The following CDC123 variants were observed in gnomAD, a reference collection of about 807,000 sequenced individuals.
The protein encoded by CDC123 is cell division cycle 123, also known as translation initiation factor eIF2 assembly protein.
Under a neutral mutation model 54.4 loss-of-function variants are expected in CDC123, and 37 were observed. The observed-to-expected ratio is 0.68, with a 90% CI of 0.52 to 0.89. The LOEUF (loss-of-function observed/expected upper bound fraction) is 0.89. Among genes scored for constraint, CDC123 ranks in the 40% least tolerant of loss-of-function variants. The pLI is 0.00. For missense variants in CDC123, 361 were observed against 412.1 expected, an observed-to-expected ratio of 0.88 and a Z score of 1.07; for synonymous variants, 144 against 136.8, an observed-to-expected ratio of 1.05 and a Z score of -0.37.
At chr10:12,208,363 G>C (rs1835548919) in intron 2 of CDC123, among the ~76,000 whole-genome samples, 1 of 152,164 alleles carries the variant, frequency 6.6e-6, no homozygotes. Context: ...GCTGCTGGGT[G>C]GCCCTTTTCA....
chr10:12,238,072 T>C (rs1206564890), intron 9 of CDC123, among the ~76,000 whole-genome samples: 1 of 152,266 alleles, frequency 6.6e-6, no homozygotes, highest in Non-Finnish European at 1.5e-5. Flanking sequence ...TTAGATTTTA[T>C]GCTTTCTATT....
At chr10:12,238,557 T>C in intron 10 of CDC123, 72 bp downstream of exon 10, 1 of 1,556,758 alleles carries the variant, frequency 6.4e-7, no homozygotes, top group South Asian at 1.2e-5. Context: ...CATGCCTTTG[T>C]TATGTGTGTG....
At chr10:12,225,180 A>T (rs1239280008) in intron 6 of CDC123, among the ~76,000 whole-genome samples, 2 of 152,150 alleles carry the variant, frequency 1.3e-5, no homozygotes, top group East Asian at 3.8e-4. Context: ...GGATTACCTA[A>T]GGTCGGGAGT....
chr10:12,222,625 A>G lies in CDC123; in HGVS notation c.440+5158A>G, dbSNP rs183096416. Reference sequence around the variant, plus strand: ...TGAGTAGACAAGAAAACATTTTGATACTCAATTGGCATTTAGAAAAAAGGG... The same window carrying G: ...TGAGTAGACAAGAAAACATTTTGATGCTCAATTGGCATTTAGAAAAAAGGG... On this transcript the variant is annotated intron_variant, in intron 6 of 12. Coordinates refer to ENST00000281141, the MANE Select transcript of CDC123 (RefSeq NM_006023.3). Among the ~76,000 whole-genome samples, 152 of 152,296 alleles carry G rather than the reference A, an allele frequency of 1.0e-3. 2 individuals are homozygous for G. Among genetic ancestry groups the G allele is most frequent in the Middle Eastern group, 3.4e-3 (1 of 292 alleles).
At chr10:12,210,406 T>G in intron 4 of CDC123, 84 bp downstream of exon 4, 1 of 1,483,364 alleles carries the variant, frequency 6.7e-7, no homozygotes, top group Non-Finnish European at 9.2e-7. Context: ...CATACCTCTC[T>G]TAAATTCCTA....
intron 6 of CDC123, 100 bp downstream of exon 6, chr10:12,217,567 C>A: frequency 8.6e-7 from 1 of 1,167,782 alleles, no homozygotes; most frequent in Non-Finnish European, 1.2e-6. Flanking sequence ...TAAATCATAG[C>A]TCCATATAAC....
intron 1 of CDC123, among the ~76,000 whole-genome samples, chr10:12,196,667 A>G (rs953042683): frequency 1.3e-5 from 2 of 152,196 alleles, no homozygotes. Context: ...CCATCACCCC[A>G]GAGGATGGAG....
intron 2 of CDC123, chr10:12,199,006 T>G: frequency 2.7e-6 from 1 of 377,252 alleles, no homozygotes; most frequent in Non-Finnish European, 4.8e-6. Context: ...TCCTTTCATC[T>G]CTGTCTTTAG....
intron 6 of CDC123, among the ~76,000 whole-genome samples, chr10:12,228,798 A>C (rs1835861582): frequency 6.6e-6 from 1 of 152,132 alleles, no homozygotes; most frequent in Non-Finnish European, 1.5e-5. Context: ...TCGAACTCCC[A>C]ACCTCAGGTG....
At chr10:12,229,946 A>G (rs1036500684) in intron 6 of CDC123, among the ~76,000 whole-genome samples, 29 of 151,766 alleles carry the variant, frequency 1.9e-4, no homozygotes, top group African/African-American at 6.6e-4. Flanking sequence ...GATGCACACA[A>G]CAAGAACGTG....
At chr10:12,230,118 T>C (rs376420811) in intron 6 of CDC123, among the ~76,000 whole-genome samples, 7 of 152,134 alleles carry the variant, frequency 4.6e-5, no homozygotes, top group Admixed American at 2.6e-4. Flanking sequence ...GCCCATAACA[T>C]TGTTTATTTT....
intron 7 of CDC123, among the ~76,000 whole-genome samples, chr10:12,233,605 A>G (rs945944422): frequency 5.9e-5 from 9 of 152,132 alleles, no homozygotes; most frequent in Admixed American, 3.9e-4. Flanking sequence ...TATATATAAA[A>G]TGTATAAAAT....
intron 11 of CDC123, chr10:12,247,645 C>A (rs1305476135): frequency 6.6e-6 from 1 of 152,240 alleles, no homozygotes; most frequent in African/African-American, 2.4e-5. Flanking sequence ...CCGAAAAAAA[C>A]AAAACATTGT....
At chr10:12,227,358 C>G (rs1010164983) in intron 6 of CDC123, among the ~76,000 whole-genome samples, 1 of 152,106 alleles carries the variant, frequency 6.6e-6, no homozygotes, top group Non-Finnish European at 1.5e-5. Flanking sequence ...GCCCAAGGTC[C>G]TGATTGTGAT....
At chr10:12,239,872 T>G (rs1275984018) in intron 10 of CDC123, among the ~76,000 whole-genome samples, 4 of 151,600 alleles carry the variant, frequency 2.6e-5, no homozygotes, top group South Asian at 2.1e-4. Flanking sequence ...GCCGGGTGTG[T>G]TGGCGGGCAC....
In CDC123 at chr10:12,210,291, G is replaced by T; in HGVS notation, c.206G>T (p.Trp69Leu). 6.2e-7 allele frequency: 1 copy of T among 1,613,974 alleles called. No individual in the cohort carries two copies. The highest frequency in any genetic ancestry group is 8.5e-7 in the Non-Finnish European group (1 of 1,179,982). Residue 69 changes from tryptophan to leucine, a missense_variant and splice_region_variant, in exon 4 of 13, where the codon TGG becomes TTG. Transcript: ENST00000281141. ...ATTTTTTTCCTCTTTTTCATGCAGT[G>T]GTCTGATGATGAGAACACAGCCACG... is the stretch of plus-strand genomic sequence containing the variant. ...DSDDEAEEIQ[W>L]SDDENTATLT...
intron 10 of CDC123, among the ~76,000 whole-genome samples, chr10:12,238,983 C>T (rs527474604): frequency 1.5e-4 from 23 of 151,948 alleles, no homozygotes; most frequent in Non-Finnish European, 2.9e-4. Context: ...GAGCGAGACT[C>T]TGCCTCAAAA....
At position 12,196,261 on chromosome 10, in the gene CDC123, G is replaced by A; in HGVS notation, c.16G>A (p.Val6Met). ...CAGCTGGAGGATGAAGAAGGAGCAT[G>A]TGCTTCACTGCCAGTTCTCCGCGTG... is the stretch of plus-strand genomic sequence containing the variant. MKKEH[V>M]LHCQFSAWYP... Residue 6 changes from valine to methionine, a missense_variant, in exon 1 of 13, where the codon GTG becomes ATG. Coordinates refer to ENST00000281141, the MANE Select transcript of CDC123 (RefSeq NM_006023.3). The A allele has an allele frequency of 6.2e-7, 1 of 1,613,966 alleles. No homozygotes were observed. The highest frequency in any genetic ancestry group is 8.5e-7 in the Non-Finnish European group (1 of 1,179,900).
Position 12,198,696 on chromosome 10 carries a change from T to A in CDC123, c.75-9T>A, listed in dbSNP as rs1171704857. On this transcript the variant is annotated splice_polypyrimidine_tract_variant and intron_variant, in intron 1 of 12. Transcript: ENST00000281141. Reference sequence around the variant, plus strand: ...TAAAATGATGCCTTTTTTGGTGTTTTTTTTTTAGTGTCATTCTTCCACTTC... The same window carrying A: ...TAAAATGATGCCTTTTTTGGTGTTTATTTTTTAGTGTCATTCTTCCACTTC... The A allele has an allele frequency of 2.0e-6, 3 of 1,537,548 alleles. No homozygotes were observed. The highest frequency in any genetic ancestry group is 2.7e-6 in the Non-Finnish European group (3 of 1,120,468).
Sources: gnomAD v4.1 joint callset for allele counts (sites outside exome capture counted in the v4.1 genomes callset) on GRCh38, gnomAD v4.1.1 for gene constraint, MANE v1.5 for transcripts, NCBI Gene and HGNC (gene_info 2026-07-23, HGNC 2026-07-21) for gene names.